Variants in RCBTB2 observed in about 807,000 individuals in gnomAD.
RCBTB2 encodes RCC1 and BTB domain containing protein 2.
In RCBTB2, 55 loss-of-function variants were observed where a neutral mutation model predicts 65.4. That is an observed-to-expected ratio of 0.84 (90% CI 0.68 to 1.05). The LOEUF is 1.05. Among genes scored for constraint, RCBTB2 ranks in the 50% least tolerant of loss-of-function variants. The pLI, the probability that RCBTB2 is intolerant of heterozygous loss-of-function variation, is 0.00. For synonymous variants in RCBTB2, 220 were observed against 255.2 expected, an observed-to-expected ratio of 0.86 and a Z score of 1.31; for missense variants, 599 against 680.1, an observed-to-expected ratio of 0.88 and a Z score of 1.33.
rs533214814 is a variant in RCBTB2, at chr13:48,508,863, G to A, written c.926+1766C>T. Among the ~76,000 whole-genome samples, 19 of 152,124 alleles carry A rather than the reference G, an allele frequency of 1.2e-4. 1 individual carries two copies. The highest frequency in any genetic ancestry group is 8.5e-4 in the Admixed American group (13 of 15,274). ...TACTTTTTCTTTCTCCCACCTTGAC[G>A]CCCCACAATCCATCTGCCCCAGTGA... On this transcript the variant is annotated intron_variant, in intron 10 of 14. Coordinates refer to ENST00000344532, the MANE Select transcript of RCBTB2 (RefSeq NM_001268.4).
intron 1 of RCBTB2, chr13:48,532,468 G>T (rs950502928): frequency 6.5e-6 from 1 of 152,960 alleles, no homozygotes; most frequent in African/African-American, 2.4e-5. Flanking sequence ...GGAGCCTAGG[G>T]GTCGAGGCCA....
At chr13:48,530,876 G>T (rs1329667661) in intron 1 of RCBTB2, among the ~76,000 whole-genome samples, 1 of 152,128 alleles carries the variant, frequency 6.6e-6, no homozygotes, top group Non-Finnish European at 1.5e-5. Context: ...TATCACAAGG[G>T]TCATGCCGTG....
chr13:48,516,732 A>C (rs1448418794), intron 4 of RCBTB2, among the ~76,000 whole-genome samples: 1 of 152,196 alleles, frequency 6.6e-6, no homozygotes, highest in East Asian at 1.9e-4. Flanking sequence ...ACCCCCTAAC[A>C]GCATACATTA....
At chr13:48,515,515 C>T in intron 5 of RCBTB2, 71 bp downstream of exon 5, 15 of 1,433,810 alleles carry the variant, frequency 1.0e-5, no homozygotes, top group African/African-American at 1.4e-5. Context: ...TCCTTAGTTC[C>T]CCCAAGATCT....
Position 48,515,617 on chromosome 13 carries a change from T to C in RCBTB2, c.167A>G (p.Asn56Ser), listed in dbSNP as rs1951041950. 27 of 1,611,630 alleles carry C rather than the reference T, an allele frequency of 1.7e-5. No homozygotes were observed. Among genetic ancestry groups the C allele is most frequent in the Non-Finnish European group, 2.1e-5 (25 of 1,179,388 alleles). ...RQACVFGSAG[N>S]EVLYTTVNDE... ...ATTTACTGTAGTGTATAAAACTTCA[T>C]TGCCAGCACTGCCAAAGACACAAGC... Residue 56 changes from asparagine (N) to serine (S), a missense_variant, in exon 5 of 15, where the codon AAT (asparagine) becomes AGT (serine). By Grantham distance (46) the Asn-to-Ser change is conservative. Transcript: ENST00000344532.
At chr13:48,496,164 C>A in intron 14 of RCBTB2, 27 bp downstream of exon 14, 1 of 1,422,194 alleles carries the variant, frequency 7.0e-7, no homozygotes, top group Admixed American at 2.6e-5. Context: ...TCCAGGAGGC[C>A]GGCAGCTGGA....
chr13:48,520,296 G>T (rs1951347414), intron 4 of RCBTB2, among the ~76,000 whole-genome samples: 1 of 152,122 alleles, frequency 6.6e-6, no homozygotes. Flanking sequence ...TCTGCAGAAT[G>T]ACCCAATCAA....
At chr13:48,493,283 CTCTCTCCA>C (rs1250270536) in intron 14 of RCBTB2, among the ~76,000 whole-genome samples, 2 of 116,552 alleles carry the variant, frequency 1.7e-5, no homozygotes, top group African/African-American at 1.0e-4. Flanking sequence ...CACCCTCTCT[CTCTCTCCA>C]CACACACACA....
intron 14 of RCBTB2, among the ~76,000 whole-genome samples, chr13:48,493,365 T>C (rs1357593246): frequency 4.1e-5 from 6 of 144,744 alleles, no homozygotes; most frequent in Non-Finnish European, 9.0e-5. Flanking sequence ...TCACCCTCTC[T>C]CTCTCTCCCT....
At chr13:48,503,319 G>A (rs574161468) in intron 10 of RCBTB2, among the ~76,000 whole-genome samples, 2 of 152,190 alleles carry the variant, frequency 1.3e-5, no homozygotes, top group South Asian at 4.1e-4. Flanking sequence ...ATAAAGATTT[G>A]GGTCATCTGG....
chr13:48,530,911 G>C (rs986733160), intron 1 of RCBTB2, among the ~76,000 whole-genome samples: 19 of 152,100 alleles, frequency 1.2e-4, no homozygotes, highest in Admixed American at 3.3e-4. Flanking sequence ...ACATTGTAGA[G>C]CACGATAAAG....
intron 4 of RCBTB2, among the ~76,000 whole-genome samples, chr13:48,518,159 C>A (rs1951198647): frequency 1.3e-5 from 2 of 152,146 alleles, no homozygotes; most frequent in African/African-American, 4.8e-5. Context: ...AAAGAAATTT[C>A]TGTTGTTTGA....
chr13:48,493,317 TC>T lies in RCBTB2; in HGVS notation c.1515+2873del, dbSNP rs1370957398. Among the ~76,000 whole-genome samples, 442 of 98,190 alleles carry T rather than the reference TC, an allele frequency of 4.5e-3. 17 individuals carry two copies. Among genetic ancestry groups the T allele is most frequent in the African/African-American group, 0.035 (401 of 11,418 alleles). 64.4% of individuals were successfully genotyped at this position (98,190 alleles called of 152,430 possible). On this transcript the variant is annotated intron_variant, in intron 14 of 14. Coordinates refer to ENST00000344532, the MANE Select transcript of RCBTB2 (RefSeq NM_001268.4). ...CACACACACACACACACACACACAC[TC>T]TCTCTCTCTCTCTCTCTCTCTCTTC...
rs118114062 is a variant in RCBTB2 at position 48,509,790 on chromosome 13, A to G, written c.926+839T>C. The stretch of plus-strand genomic sequence containing the variant: ...CTTCATTTTCATTGTTAAGTATTCC[A>G]GCAGAAAATTAGAAAAGAACTGCAT... On this transcript the variant is annotated intron_variant, in intron 10 of 14. Transcript: ENST00000344532. Among the ~76,000 whole-genome samples, 17 of 152,378 alleles carry G rather than the reference A, an allele frequency of 1.1e-4. No homozygotes were observed. In the East Asian group the frequency reaches 3.3e-3, roughly 29 times the overall value.
chr13:48,525,825 G>A (rs1951698632), intron 1 of RCBTB2, among the ~76,000 whole-genome samples: 1 of 152,044 alleles, frequency 6.6e-6, no homozygotes. Context: ...GTCACAAAAT[G>A]ATACATATGG....
Position 48,515,755 on chromosome 13 carries a change from A to C in RCBTB2, c.43-14T>G. On this transcript the variant is annotated splice_polypyrimidine_tract_variant and intron_variant, in intron 4 of 14. Coordinates refer to ENST00000344532, the MANE Select transcript of RCBTB2 (RefSeq NM_001268.4). The stretch of plus-strand genomic sequence containing the variant: ...AGCCTGTACTGGCTGAAAAGGAAAA[A>C]ATATATGTTGAAATGACAAATTAAA... 1 of 1,590,116 alleles carries C rather than the reference A, an allele frequency of 6.3e-7. No homozygotes were observed. Among genetic ancestry groups the C allele is most frequent in the Non-Finnish European group, 8.5e-7 (1 of 1,173,178 alleles).
intron 1 of RCBTB2, chr13:48,532,064 G>A (rs985481224): frequency 6.6e-6 from 1 of 152,230 alleles, no homozygotes; most frequent in African/African-American, 2.4e-5. Context: ...GTCGCCAAGC[G>A]CGGTACAAAG....
intron 14 of RCBTB2, among the ~76,000 whole-genome samples, chr13:48,493,315 A>ACACACACTCT (rs759504798): frequency 2.0e-4 from 15 of 75,080 alleles, no homozygotes; most frequent in African/African-American, 6.6e-4. Context: ...ACACACACAC[A>ACACACACTCT]CTCTCTCTCT....
chr13:48,490,733 T>C (rs1440064685), intron 14 of RCBTB2, among the ~76,000 whole-genome samples: 1 of 152,184 alleles, frequency 6.6e-6, no homozygotes, highest in Non-Finnish European at 1.5e-5. Flanking sequence ...CTGAAGTCAT[T>C]AACAGGCCAC....
Sources: gnomAD v4.1 joint callset for allele counts (sites outside exome capture counted in the v4.1 genomes callset) on GRCh38, gnomAD v4.1.1 for gene constraint, MANE v1.5 for transcripts, NCBI Gene and HGNC (gene_info 2026-07-23, HGNC 2026-07-21) for gene names.